Variants in KLF3 observed in about 807,000 individuals in gnomAD.
The protein encoded by KLF3 is Krueppel-like factor 3.
KLF3 carries 6 observed loss-of-function variants against 32.7 expected under a neutral mutation model. The ratio of observed to expected loss-of-function variants is 0.18; its 90% CI spans 0.10 to 0.36. KLF3 has a LOEUF of 0.36. Among genes scored for constraint, KLF3 ranks in the 10% least tolerant of loss-of-function variants. The pLI, the probability that KLF3 is intolerant of heterozygous loss-of-function variation, is 1.00. For missense variants in KLF3, 338 were observed against 449.7 expected (o/e 0.75, Z 2.25); for synonymous variants, 145 against 172.8 (o/e 0.84, Z 1.26).
chr4:38,694,938 C>A, intron 5 of KLF3, 32 bp downstream of exon 5: 1 of 1,564,194 alleles, frequency 6.4e-7, no homozygotes, highest in Non-Finnish European at 8.6e-7. Context: ...CTTCATCTTT[C>A]TTCTTAAGAA....
At chr4:38,680,495 T>G in intron 1 of KLF3, 92 bp from the exon 2 acceptor site, 1 of 607,352 alleles carries the variant, frequency 1.6e-6, no homozygotes, top group Non-Finnish European at 3.1e-6. Context: ...ATTACAGGGG[T>G]GAGCCACCTT....
rs2109238317 is a variant in KLF3 at position 38,671,465 on chromosome 4, TGGAA to T, written c.-40+7008_-40+7011del. ...GACAGGGTGGGCAGCAGGGGCCAGT[TGGAA>T]GGAGTGGAAACTGTCACTAATGTAA... On this transcript the variant is annotated intron_variant, in intron 1 of 5. Transcript: ENST00000261438. This position sits in a 1 kb window ranked among gnomAD's most constrained non-coding sequence, Gnocchi z 4.4. 6.6e-6 allele frequency among the ~76,000 whole-genome samples: 1 copy of T among 152,328 alleles called. No homozygotes were observed. Among genetic ancestry groups the T allele is most frequent in the South Asian group, 2.1e-4 (1 of 4,826 alleles).
Position 38,689,796 on chromosome 4 carries a change from A to T in KLF3, c.612A>T (p.Glu204Asp), listed in dbSNP as rs1722823498. The T allele has an allele frequency of 1.2e-6, 2 of 1,612,924 alleles. No individual in the cohort carries two copies. Among genetic ancestry groups the T allele is most frequent in the Non-Finnish European group, 1.7e-6 (2 of 1,179,246 alleles). ...QKKIKIEPGI[E>D]PQRTDYYPEE... is the part of the protein sequence containing the mutation. ...AAATTAAAATAGAACCTGGGATCGA[A>T]CCACAGAGGACAGATTATTATCCTG... The change falls in exon 4 of 6, where the codon GAA becomes GAT. Residue 204 changes from glutamate to aspartate, a missense_variant. By Grantham distance (45) the Glu-to-Asp change is conservative. This residue lies in a region of KLF3 where 272 missense variants were observed against 313.4 expected (regional missense o/e 0.87). Coordinates refer to ENST00000261438, the MANE Select transcript of KLF3 (RefSeq NM_016531.6).
rs1282261605 is a variant in KLF3, at chr4:38,698,523, A to G, written c.*1260A>G. The G allele has an allele frequency of 2.0e-5, 3 of 152,688 alleles. No homozygotes were observed. Among genetic ancestry groups the G allele is most frequent in the Non-Finnish European group, 2.9e-5 (2 of 68,042 alleles). 9.5% of individuals were successfully genotyped at this position (152,688 alleles called of 1,614,324 possible). On this transcript the variant is annotated 3_prime_UTR_variant, in exon 6 of 6. Transcript: ENST00000261438. The stretch of plus-strand genomic sequence containing the variant: ...AAATATAACTAGTTGTGAAGCACAC[A>G]TACCTTTATTTTGGGAATTTATGAG...
intron 2 of KLF3, among the ~76,000 whole-genome samples, chr4:38,685,833 C>G (rs1038367640): frequency 1.3e-5 from 2 of 152,184 alleles, no homozygotes; most frequent in Admixed American, 6.5e-5. Context: ...TAGGCGAAAT[C>G]ATTCTCCTTC....
intron 4 of KLF3, among the ~76,000 whole-genome samples, chr4:38,692,036 C>T (rs1229719146): frequency 1.3e-5 from 2 of 152,190 alleles, no homozygotes; most frequent in Non-Finnish European, 2.9e-5. Context: ...AAAGGTACAT[C>T]AAATTCTATT....
Position 38,697,093 on chromosome 4 carries a change from T to C in KLF3, c.868T>C (p.Tyr290His). ...TTTTCCTTTTGCAGGAGAAAAACCC[T>C]ACAAATGTACATGGGAAGGGTGCAC... The part of the protein sequence containing the change: ...HRRTHTGEKP[Y>H]KCTWEGCTWK... The change falls in exon 6 of 6, where the codon TAC becomes CAC. Residue 290 changes from tyrosine to histidine, a missense_variant. Around this residue, in one of 2 missense-constraint regions of KLF3, gnomAD observed 66 missense variants for 136.2 expected, o/e 0.48. Coordinates refer to ENST00000261438, the MANE Select transcript of KLF3 (RefSeq NM_016531.6). 1 of 1,604,558 alleles carries C rather than the reference T, an allele frequency of 6.2e-7. No individual in the cohort carries two copies. The highest frequency in any genetic ancestry group is 8.5e-7 in the Non-Finnish European group (1 of 1,175,310).
rs75023191 is a variant in KLF3, at chr4:38,683,937, A to T, written c.57+3255A>T. 8.6e-3 allele frequency among the ~76,000 whole-genome samples: 1,316 copies of T among 152,200 alleles called. 16 individuals carry two copies. The highest frequency in any genetic ancestry group is 0.03 in the African/African-American group (1,242 of 41,508). ...AAGAGAGCTTTCTACCTCTGTTTGC[A>T]TGGGGGTGCATGCCATTTGCTCTTC... On this transcript the variant is annotated intron_variant, in intron 2 of 5. Coordinates refer to ENST00000261438, the MANE Select transcript of KLF3 (RefSeq NM_016531.6).
At position 38,671,884 on chromosome 4, in the gene KLF3, AC is replaced by A. The variant is rs1186773370; in HGVS notation, c.-40+7427del. ...TTCAAAAACCTGTGTTTGTGCACAC[AC>A]CCCTTCCCCTTGCAGTTCCCCCCCA... On this transcript the variant is annotated intron_variant, in intron 1 of 5. Coordinates refer to ENST00000261438, the MANE Select transcript of KLF3 (RefSeq NM_016531.6). This position sits in a 1 kb window ranked among gnomAD's most constrained non-coding sequence, Gnocchi z 4.4. Among the ~76,000 whole-genome samples the A allele has an allele frequency of 4.0e-5, 6 of 151,680 alleles. No homozygotes were observed. The highest frequency in any genetic ancestry group is 7.4e-5 in the Non-Finnish European group (5 of 67,918).
Position 38,698,058 on chromosome 4 carries a change from G to A in KLF3, c.*795G>A, listed in dbSNP as rs1723099782. 1 of 152,190 alleles carries A rather than the reference G, an allele frequency of 6.6e-6. No homozygotes were observed. Among genetic ancestry groups the A allele is most frequent in the African/African-American group, 2.4e-5 (1 of 41,436 alleles). The allele number at this position is 152,190 out of a possible 1,614,324, so 9.4% of individuals were successfully genotyped here. On this transcript the variant is annotated 3_prime_UTR_variant, in exon 6 of 6. Coordinates refer to ENST00000261438, the MANE Select transcript of KLF3 (RefSeq NM_016531.6). ...TCAGTGAGGTTTCAACATTTTGTTA[G>A]CTGTGTGCAGCATTCCCAGAGCTTC...
At chr4:38,675,183 A>G (rs1028515635) in intron 1 of KLF3, among the ~76,000 whole-genome samples, 8 of 152,244 alleles carry the variant, frequency 5.3e-5, no homozygotes, top group Admixed American at 5.2e-4. Flanking sequence ...TCAGAAGTGC[A>G]GGTGGAAAGA....
rs544889091 is a variant in KLF3 at position 38,688,498 on chromosome 4, G to A, written c.58-87G>A. The A allele has an allele frequency of 2.3e-6, 3 of 1,297,132 alleles. No homozygotes were observed. Among genetic ancestry groups the A allele is most frequent in the Admixed American group, 2.3e-5 (1 of 44,438 alleles). The allele number at this position is 1,297,132 out of a possible 1,614,324, so 80.4% of individuals were successfully genotyped here. Reference sequence around the variant, plus strand: ...TGTAAAGCCCATGTAATTGTTAAGTGCCTTGTTAGCATATTTTTCTTAATT... The same window carrying A: ...TGTAAAGCCCATGTAATTGTTAAGTACCTTGTTAGCATATTTTTCTTAATT... On this transcript the variant is annotated intron_variant, in intron 2 of 5. Coordinates refer to ENST00000261438, the MANE Select transcript of KLF3 (RefSeq NM_016531.6). The surrounding 1 kb of genome is among the most constrained non-coding windows in gnomAD (Gnocchi z 4.9).
intron 1 of KLF3, among the ~76,000 whole-genome samples, chr4:38,670,716 T>C (rs1052224325): frequency 5.3e-5 from 8 of 152,352 alleles, no homozygotes; most frequent in African/African-American, 1.4e-4. Context: ...TTTTAGAAGA[T>C]GAGGTTTCAG....
rs547958895 is a variant in KLF3, at chr4:38,674,990, A to T, written c.-39-5597A>T. On this transcript the variant is annotated intron_variant, in intron 1 of 5. Coordinates refer to ENST00000261438, the MANE Select transcript of KLF3 (RefSeq NM_016531.6). This position sits in a 1 kb window ranked among gnomAD's most constrained non-coding sequence, Gnocchi z 4.1. ...TTTCTAAGCCCTGCAGCTCACCTGC[A>T]GCCCCGCTCCCCACTCCATAAAGCC... Among the ~76,000 whole-genome samples the T allele has an allele frequency of 1.9e-3, 297 of 152,372 alleles. No homozygotes were observed. Among genetic ancestry groups the T allele is most frequent in the African/African-American group, 6.9e-3 (289 of 41,586 alleles).
chr4:38,696,936 G>C (rs571531509), intron 5 of KLF3, 146 bp from the exon 6 acceptor site: 1 of 613,514 alleles, frequency 1.6e-6, no homozygotes, highest in African/African-American at 1.9e-5. Context: ...CTTCTTGCTT[G>C]TCTTGCAGTA....
At chr4:38,691,627 T>G (rs1200861027) in intron 4 of KLF3, among the ~76,000 whole-genome samples, 1 of 152,242 alleles carries the variant, frequency 6.6e-6, no homozygotes, top group Non-Finnish European at 1.5e-5. Context: ...GAAAATACTT[T>G]TATTTTAAGT....
At chr4:38,691,012 C>A (rs1386352326) in intron 4 of KLF3, among the ~76,000 whole-genome samples, 1 of 152,124 alleles carries the variant, frequency 6.6e-6, no homozygotes, top group Non-Finnish European at 1.5e-5. Context: ...TCTTAGCCGA[C>A]TTCATCAGCA....
rs911373142 is a variant in KLF3 at position 38,671,433 on chromosome 4, G to A, written c.-40+6972G>A. ...CTTTTGATCTTGCATCCAAGTGTGC[G>A]TACTGAGACAGGGTGGGCAGCAGGG... On this transcript the variant is annotated intron_variant, in intron 1 of 5. Coordinates refer to ENST00000261438, the MANE Select transcript of KLF3 (RefSeq NM_016531.6). The surrounding 1 kb of genome is among the most constrained non-coding windows in gnomAD (Gnocchi z 4.4). Among the ~76,000 whole-genome samples the A allele has an allele frequency of 1.8e-4, 27 of 152,302 alleles. No individual in the cohort carries two copies. Among genetic ancestry groups the A allele is most frequent in the Middle Eastern group, 6.8e-3 (2 of 294 alleles).
chr4:38,668,469 ATTCT>A (rs1464959878), intron 1 of KLF3, among the ~76,000 whole-genome samples: 1 of 152,176 alleles, frequency 6.6e-6, no homozygotes, highest in Non-Finnish European at 1.5e-5. Flanking sequence ...ATTCCACCAC[ATTCT>A]TTATGTATAA....
Sources: gnomAD v4.1 joint callset for allele counts (sites outside exome capture counted in the v4.1 genomes callset) on GRCh38, gnomAD v4.1.1 for gene constraint, gnomAD v4.1.1 regional missense constraint, Gnocchi (gnomAD v3.1) non-coding constraint, MANE v1.5 for transcripts, NCBI Gene and HGNC (gene_info 2026-07-23, HGNC 2026-07-21) for gene names.